SEC63: variants seen among roughly 807,000 people sequenced by gnomAD.
SEC63 encodes SEC63 protein translocation regulator.
SEC63 carries 56 observed loss-of-function variants against 116.2 expected under a neutral mutation model. The ratio of observed to expected loss-of-function variants is 0.48; its 90% CI spans 0.39 to 0.60. The LOEUF (loss-of-function observed/expected upper bound fraction) is 0.60, where lower values mean the gene tolerates loss of function less well. Ranked by LOEUF, SEC63 falls within the 20% of genes least tolerant of loss-of-function variation. The pLI is 0.00. For synonymous variants in SEC63, 273 were observed against 294.6 expected (o/e 0.93, Z 0.75); for missense variants, 668 against 900.0 (o/e 0.74, Z 3.30).
chr6:107,870,969 A>G lies in SEC63; in HGVS notation c.*735T>C, dbSNP rs1177993189. ...AAGCCACCAGTATCAGAAAACATAC[A>G]GTCCCACTATCACTTTTAGAGCTAG... On this transcript the variant is annotated 3_prime_UTR_variant, in exon 21 of 21. Coordinates refer to ENST00000369002, the MANE Select transcript of SEC63 (RefSeq NM_007214.5). The G allele has an allele frequency of 6.6e-6, 1 of 152,650 alleles. No individual in the cohort carries two copies. The highest frequency in any genetic ancestry group is 2.4e-5 in the African/African-American group (1 of 41,452). The allele number at this position is 152,650 out of a possible 1,614,324, so 9.5% of individuals were successfully genotyped here.
intron 16 of SEC63, among the ~76,000 whole-genome samples, chr6:107,892,001 T>C (rs1242969314): frequency 1.3e-5 from 2 of 152,242 alleles, no homozygotes; most frequent in Non-Finnish European, 2.9e-5. Flanking sequence ...TTGTGGGAGA[T>C]GTCTCCCAGT....
Position 107,893,937 on chromosome 6 carries a change from C to T in SEC63, c.1441-40G>A. The T allele has an allele frequency of 1.9e-6, 3 of 1,593,272 alleles. No individual in the cohort carries two copies. In the South Asian group the frequency reaches 3.3e-5, roughly 18 times the overall value. The stretch of plus-strand genomic sequence containing the variant: ...GAAGAGAAATACAAAATCTGTCAAC[C>T]TATATTTATCTTTCAGACAAACAAA... On this transcript the variant is annotated intron_variant, in intron 14 of 20. Coordinates refer to ENST00000369002, the MANE Select transcript of SEC63 (RefSeq NM_007214.5).
At chr6:107,931,597 TA>T (rs919174197) in intron 1 of SEC63, among the ~76,000 whole-genome samples, 1 of 139,474 alleles carries the variant, frequency 7.2e-6, no homozygotes, top group Non-Finnish European at 1.6e-5. Context: ...AAAAGACAAA[TA>T]ATTAGCCAGG....
At chr6:107,912,172 G>A (rs1023618675) in intron 6 of SEC63, among the ~76,000 whole-genome samples, 2 of 152,168 alleles carry the variant, frequency 1.3e-5, no homozygotes, top group Non-Finnish European at 2.9e-5. Flanking sequence ...AGTTGAAGTA[G>A]GAATGTATCC....
chr6:107,916,085 T>C (rs1054638782), intron 4 of SEC63, among the ~76,000 whole-genome samples: 9 of 151,106 alleles, frequency 6.0e-5, no homozygotes, highest in Non-Finnish European at 1.3e-4. Flanking sequence ...AATTATAAAC[T>C]TGAAAATGTT....
intron 16 of SEC63, among the ~76,000 whole-genome samples, chr6:107,885,430 G>A (rs1786505459): frequency 6.6e-6 from 1 of 152,122 alleles, no homozygotes; most frequent in African/African-American, 2.4e-5. Flanking sequence ...ATACATAGGA[G>A]TAAATCTAAC....
At chr6:107,944,064 G>A (rs907165128) in intron 1 of SEC63, among the ~76,000 whole-genome samples, 15 of 152,184 alleles carry the variant, frequency 9.9e-5, no homozygotes, top group South Asian at 2.1e-4. Flanking sequence ...GGTCGGACAC[G>A]ATGTATTTCA....
At chr6:107,880,418 CAG>C (rs752371920) in intron 18 of SEC63, among the ~76,000 whole-genome samples, 8 of 152,172 alleles carry the variant, frequency 5.3e-5, no homozygotes, top group Non-Finnish European at 1.2e-4. Flanking sequence ...ACCTCTACTC[CAG>C]ACAGAATCAT....
chr6:107,869,470 A>G lies in SEC63; in HGVS notation c.*2234T>C, dbSNP rs1463745561. 3.9e-5 allele frequency: 6 copies of G among 152,174 alleles called. No homozygotes were observed. The highest frequency in any genetic ancestry group is 3.9e-4 in the Admixed American group (6 of 15,276). The allele number at this position is 152,174 out of a possible 1,614,324, so 9.4% of individuals were successfully genotyped here. On this transcript the variant is annotated 3_prime_UTR_variant, in exon 21 of 21. Coordinates refer to ENST00000369002, the MANE Select transcript of SEC63 (RefSeq NM_007214.5). ...CTATAGGCTCATCAATTGTTGACAA[A>G]ATGTCAGTTTCTTTATAGGAAGAAA...
At chr6:107,909,495 AG>A (rs1367355093) in intron 7 of SEC63, among the ~76,000 whole-genome samples, 1 of 152,178 alleles carries the variant, frequency 6.6e-6, no homozygotes, top group Non-Finnish European at 1.5e-5. Context: ...TCTTACAACA[AG>A]GACCTCTTTC....
intron 13 of SEC63, among the ~76,000 whole-genome samples, chr6:107,898,705 AAAAT>A (rs1441972251): frequency 6.6e-6 from 1 of 152,226 alleles, no homozygotes; most frequent in Admixed American, 6.5e-5. Context: ...TTAATAAAAC[AAAAT>A]AAATAAAAAT....
Position 107,872,931 on chromosome 6 carries a change from A to G in SEC63, c.2035-19T>C. On this transcript the variant is annotated intron_variant, in intron 19 of 20. Coordinates refer to ENST00000369002, the MANE Select transcript of SEC63 (RefSeq NM_007214.5). ...GCTCTACCTAGAAGATAAAATCAGC[A>G]CTTAAAAATCTGTATTATGGGGAGG... 6.7e-7 allele frequency: 1 copy of G among 1,481,602 alleles called. No individual in the cohort carries two copies. Among genetic ancestry groups the G allele is most frequent in the Non-Finnish European group, 9.2e-7 (1 of 1,083,108 alleles). 91.8% of individuals were successfully genotyped at this position (1,481,602 alleles called of 1,614,324 possible). A position where few individuals can be genotyped will look rare whatever the true frequency, so the allele number is the denominator to read the frequency against.
intron 18 of SEC63, among the ~76,000 whole-genome samples, chr6:107,879,269 T>C (rs1488450911): frequency 2.0e-5 from 3 of 152,214 alleles, no homozygotes; most frequent in East Asian, 3.9e-4. Context: ...GTTCAAGCAA[T>C]TCTCCTGCCT....
intron 17 of SEC63, among the ~76,000 whole-genome samples, chr6:107,882,561 A>C (rs1340165232): frequency 6.6e-6 from 1 of 152,164 alleles, no homozygotes; most frequent in Admixed American, 6.6e-5. Flanking sequence ...ACCTCTTGAC[A>C]TCAGGGTCCA....
intron 1 of SEC63, among the ~76,000 whole-genome samples, chr6:107,945,409 C>A (rs1460750939): frequency 6.6e-6 from 1 of 150,972 alleles, no homozygotes; most frequent in Non-Finnish European, 1.5e-5. Flanking sequence ...CGGGTTCAAT[C>A]AATTCTCCTG....
intron 1 of SEC63, among the ~76,000 whole-genome samples, chr6:107,944,696 CAAAATA>C (rs57347234): frequency 1.9e-4 from 29 of 149,078 alleles, no homozygotes; most frequent in South Asian, 6.5e-4. Flanking sequence ...CTCTTGTCTC[CAAAATA>C]AAAATAAAAA....
At chr6:107,910,714 C>T (rs1211449881) in intron 7 of SEC63, among the ~76,000 whole-genome samples, 1 of 152,004 alleles carries the variant, frequency 6.6e-6, no homozygotes, top group Non-Finnish European at 1.5e-5. Flanking sequence ...TACATACACA[C>T]ATATGTATAC....
Position 107,886,535 on chromosome 6 carries a change from T to A in SEC63, c.1675-3389A>T, listed in dbSNP as rs182476219. Among the ~76,000 whole-genome samples the A allele has an allele frequency of 5.9e-5, 9 of 152,282 alleles. No individual in the cohort carries two copies. In the East Asian group the frequency reaches 1.7e-3, roughly 29 times the overall value. On this transcript the variant is annotated intron_variant, in intron 16 of 20. Coordinates refer to ENST00000369002, the MANE Select transcript of SEC63 (RefSeq NM_007214.5). ...CACCATCTGTTGTTTCCTGACTTTT[T>A]AATGACTGCTGTTCTAACTGGCGTG...
At position 107,903,823 on chromosome 6, in the gene SEC63, C is replaced by CA. The variant is rs1449576209; in HGVS notation, c.1054+805dup. 4.6e-5 allele frequency among the ~76,000 whole-genome samples: 7 copies of CA among 152,168 alleles called. No individual in the cohort carries two copies. The East Asian group carries it at 9.6e-4, about 21-fold the overall frequency. On this transcript the variant is annotated intron_variant, in intron 11 of 20. Coordinates refer to ENST00000369002, the MANE Select transcript of SEC63 (RefSeq NM_007214.5). ...AAGAAAGAGAAATTTTAAATCTTTG[C>CA]AAACAATTGAACAATAAAATAATTA... is the stretch of plus-strand genomic sequence containing the variant.
Sources: gnomAD v4.1 joint callset for allele counts (sites outside exome capture counted in the v4.1 genomes callset) on GRCh38, gnomAD v4.1.1 for gene constraint, MANE v1.5 for transcripts, NCBI Gene and HGNC (gene_info 2026-07-23, HGNC 2026-07-21) for gene names.